INSR: variants seen among roughly 807,000 people sequenced by gnomAD.
The protein encoded by INSR is insulin receptor.
INSR carries 67 observed loss-of-function variants against 142.6 expected under a neutral mutation model. The ratio of observed to expected loss-of-function variants is 0.47; its 90% CI spans 0.39 to 0.58. The LOEUF is 0.58. Among genes scored for constraint, INSR ranks in the 20% least tolerant of loss-of-function variants. INSR has a pLI of 0.00. For missense variants in INSR, 1,248 were observed against 1,833.2 expected (o/e 0.68, Z 5.83); for synonymous variants, 756 against 743.1 (o/e 1.02, Z -0.28).
chr19:7,155,333 G>A (rs1054907056), intron 9 of INSR, among the ~76,000 whole-genome samples: 6 of 151,874 alleles, frequency 4.0e-5, no homozygotes, highest in East Asian at 3.9e-4. Context: ...TCAGGAGTTC[G>A]AGACCAGCCT....
rs1212043294 is a variant in INSR at position 7,162,310 on chromosome 19, G to A, written c.2029+722C>T. On this transcript the variant is annotated intron_variant, in intron 9 of 21. Transcript: ENST00000302850. ...CCACTGCACTCCAGCCTGGGTGACA[G>A]AGTGAGACCCTGTCTCAAAAAAAAA... 3.0e-5 allele frequency among the ~76,000 whole-genome samples: 4 copies of A among 135,326 alleles called. No individual in the cohort carries two copies. In the South Asian group the frequency reaches 7.2e-4, roughly 24 times the overall value. The allele number at this position is 135,326 out of a possible 152,430, so 88.8% of individuals were successfully genotyped here.
At chr19:7,241,027 A>G (rs910451949) in intron 2 of INSR, among the ~76,000 whole-genome samples, 1 of 152,180 alleles carries the variant, frequency 6.6e-6, no homozygotes, top group Admixed American at 6.5e-5. Context: ...GTCAAAATAC[A>G]TGCAGGGCTG....
intron 1 of INSR, among the ~76,000 whole-genome samples, chr19:7,285,865 C>T (rs796887041): frequency 7.2e-5 from 11 of 152,076 alleles, no homozygotes; most frequent in East Asian, 5.8e-4. Flanking sequence ...TGGACAACAA[C>T]GAGACTGTTC....
At chr19:7,274,918 G>A (rs1294723420) in intron 1 of INSR, among the ~76,000 whole-genome samples, 1 of 152,078 alleles carries the variant, frequency 6.6e-6, no homozygotes, top group African/African-American at 2.4e-5. Flanking sequence ...ACCCCGGGAG[G>A]GTTTTTGGCT....
intron 3 of INSR, among the ~76,000 whole-genome samples, chr19:7,182,228 T>C (rs1974292839): frequency 6.6e-6 from 1 of 151,960 alleles, no homozygotes; most frequent in African/African-American, 2.4e-5. Context: ...CCCAGCTACT[T>C]AGAGGCTAAG....
chr19:7,217,840 T>C (rs972409127), intron 2 of INSR, among the ~76,000 whole-genome samples: 10 of 152,246 alleles, frequency 6.6e-5, no homozygotes, highest in African/African-American at 9.6e-5. Context: ...ATTACAGGCG[T>C]AAGCCACCGC....
In INSR at chr19:7,119,620, A is replaced by C. The variant is rs939095952; in HGVS notation, c.3660-37T>G. The stretch of plus-strand genomic sequence containing the variant: ...AGTTGATAGTAGTAACAAAGAAGCC[A>C]TTTAGACACACACACACACGCGCGC... On this transcript the variant is annotated intron_variant, in intron 20 of 21. Coordinates refer to ENST00000302850, the MANE Select transcript of INSR (RefSeq NM_000208.4). The surrounding 1 kb of genome is among the most constrained non-coding windows in gnomAD (Gnocchi z 5.2). 3.1e-6 allele frequency: 5 copies of C among 1,611,282 alleles called. No homozygotes were observed. Among genetic ancestry groups the C allele is most frequent in the Non-Finnish European group, 4.2e-6 (5 of 1,179,200 alleles).
At position 7,119,639 on chromosome 19, in the gene INSR, C is replaced by T. The variant is rs537517354; in HGVS notation, c.3660-56G>A. 142 of 1,586,000 alleles carry T rather than the reference C, an allele frequency of 9.0e-5. 2 individuals carry two copies. The East Asian group carries it at 1.8e-3, about 20-fold the overall frequency. On this transcript the variant is annotated intron_variant, in intron 20 of 21. Transcript: ENST00000302850. This position sits in a 1 kb window ranked among gnomAD's most constrained non-coding sequence, Gnocchi z 5.2. The stretch of plus-strand genomic sequence containing the variant: ...GAAGCCATTTAGACACACACACACA[C>T]GCGCGCGCGCAAACACACACACGCA...
intron 13 of INSR, among the ~76,000 whole-genome samples, chr19:7,138,179 T>C (rs1167207070): frequency 6.6e-6 from 1 of 151,644 alleles, no homozygotes; most frequent in East Asian, 2.0e-4. Context: ...TTAGCCAGGA[T>C]GGTCTCGATC....
intron 3 of INSR, among the ~76,000 whole-genome samples, chr19:7,183,763 G>A (rs925009978): frequency 1.3e-5 from 2 of 152,000 alleles, no homozygotes; most frequent in African/African-American, 4.8e-5. Context: ...TTAGAACTGA[G>A]GTCCACAATG....
intron 2 of INSR, among the ~76,000 whole-genome samples, chr19:7,239,350 GGC>G (rs1976268055): frequency 7.2e-6 from 1 of 139,720 alleles, no homozygotes; most frequent in Non-Finnish European, 1.5e-5. Context: ...AGGAAGACAT[GGC>G]TAAGAAGCAT....
intron 1 of INSR, among the ~76,000 whole-genome samples, chr19:7,287,079 G>C (rs1354123501): frequency 2.6e-5 from 4 of 151,520 alleles, no homozygotes; most frequent in Non-Finnish European, 5.9e-5. Context: ...GAAACTCCTG[G>C]ACACATGTAA....
intron 9 of INSR, among the ~76,000 whole-genome samples, chr19:7,154,752 C>T (rs890766170): frequency 1.3e-5 from 2 of 151,774 alleles, no homozygotes; most frequent in Admixed American, 6.6e-5. Flanking sequence ...GGCGAAACCC[C>T]GTCTCTACTC....
chr19:7,227,688 C>T (rs1568203289), intron 2 of INSR, among the ~76,000 whole-genome samples: 1 of 152,170 alleles, frequency 6.6e-6, no homozygotes, highest in Non-Finnish European at 1.5e-5. Context: ...CAAGAGGACC[C>T]GGCTATTGCA....
intron 17 of INSR, among the ~76,000 whole-genome samples, chr19:7,123,808 A>G (rs1972553691): frequency 1.3e-5 from 2 of 151,962 alleles, no homozygotes; most frequent in Admixed American, 1.3e-4. Context: ...CTGTTATCCC[A>G]GCTACTCAGG....
rs758151117 is a variant in INSR at position 7,172,320 on chromosome 19, C to T, written c.1238G>A (p.Arg413His). ...LVSLSFFRKL[R>H]LIRGETLEIG... ...TTCCAAGGTCTCTCCTCGAATCAGA[C>T]GTAACTTCCGGAAGAAGGAAAGTGA... The change falls in exon 5 of 22, where the codon CGT (arginine) becomes CAT (histidine). Residue 413 changes from arginine to histidine, a missense_variant. This residue lies in a region of INSR where 1,069 missense variants were observed against 1,654.0 expected (regional missense o/e 0.65). Coordinates refer to ENST00000302850, the MANE Select transcript of INSR (RefSeq NM_000208.4). The T allele has an allele frequency of 3.3e-5, 54 of 1,613,984 alleles. No individual in the cohort carries two copies. The highest frequency in any genetic ancestry group is 1.3e-4 in the Admixed American group (8 of 59,986).
chr19:7,125,671 A>T lies in INSR; in HGVS notation c.3014-144T>A. The T allele has an allele frequency of 1.8e-6, 2 of 1,115,382 alleles. 1 individual carries two copies. Among genetic ancestry groups the T allele is most frequent in the South Asian group, 2.6e-5 (2 of 76,184 alleles). The allele number at this position is 1,115,382 out of a possible 1,614,324, so 69.1% of individuals were successfully genotyped here. A position where few individuals can be genotyped will look rare whatever the true frequency, so the allele number is the denominator to read the frequency against. On this transcript the variant is annotated intron_variant, in intron 16 of 21. Transcript: ENST00000302850. The surrounding 1 kb of genome is among the most constrained non-coding windows in gnomAD (Gnocchi z 4.9). ...CCAGGACCCATGCCGGGCACTGGGC[A>T]TATGGCCGAGAACAGGACAGGCATC...
chr19:7,121,842 C>T (rs1319193717), intron 19 of INSR, among the ~76,000 whole-genome samples: 1 of 152,140 alleles, frequency 6.6e-6, no homozygotes, highest in Non-Finnish European at 1.5e-5. Flanking sequence ...GTGGGGGGTC[C>T]CCATCCAAAA....
intron 2 of INSR, among the ~76,000 whole-genome samples, chr19:7,238,857 T>C (rs551824990): frequency 1.4e-4 from 21 of 148,104 alleles, no homozygotes; most frequent in African/African-American, 5.2e-4. Flanking sequence ...TCCCCAAAAC[T>C]TGGGCAGCCA....
Sources: gnomAD v4.1 joint callset for allele counts (sites outside exome capture counted in the v4.1 genomes callset) on GRCh38, gnomAD v4.1.1 for gene constraint, gnomAD v4.1.1 regional missense constraint, Gnocchi (gnomAD v3.1) non-coding constraint, MANE v1.5 for transcripts, NCBI Gene and HGNC (gene_info 2026-07-23, HGNC 2026-07-21) for gene names.